SHC2: variants seen among roughly 807,000 people sequenced by gnomAD.
The protein encoded by SHC2 is SHC adaptor protein 2, also known as SHC-transforming protein 2.
SHC2 carries 62 observed loss-of-function variants against 60.6 expected under a neutral mutation model. The ratio of observed to expected loss-of-function variants is 1.02; its 90% confidence interval spans 0.83 to 1.26. The LOEUF (loss-of-function observed/expected upper bound fraction) is 1.26, where lower values mean the gene tolerates loss of function less well. Ranked by LOEUF, SHC2 falls within the 50% of genes most tolerant of loss-of-function variation. The pLI, the probability that SHC2 is intolerant of heterozygous loss-of-function variation, is 0.00. For missense variants in SHC2, 873 were observed against 822.2 expected (o/e 1.06, Z -0.76); for synonymous variants, 375 against 372.4 (o/e 1.01, Z -0.08).
Position 434,734 on chromosome 19 carries a change from G to C in SHC2, c.1085C>G (p.Pro362Arg). The C allele has an allele frequency of 6.2e-7, 1 of 1,612,104 alleles. No homozygotes were observed. The highest frequency in any genetic ancestry group is 1.7e-5 in the Admixed American group (1 of 59,966). Residue 362 changes from proline to arginine, a missense_variant, in exon 8 of 13, where the codon CCC becomes CGC. Physicochemically the swap from Pro to Arg is moderately radical, Grantham distance 103. Coordinates refer to ENST00000264554, the MANE Select transcript of SHC2 (RefSeq NM_012435.3). ...LVDSRLALTQ[P>R]CALTALDQGP... ...CTGGTCGAGGGCCGTGAGGGCGCAG[G>C]GCTGTGTCAGGGCCAGCCTGGAGTC...
intron 11 of SHC2, 37 bp from the exon 12 acceptor site, chr19:419,093 C>A: frequency 1.9e-6 from 3 of 1,539,464 alleles, no homozygotes; most frequent in Non-Finnish European, 2.6e-6. Flanking sequence ...CTCCCGGGAG[C>A]CCGCCTGGAC....
At chr19:428,539 C>G (rs146085487) in intron 9 of SHC2, among the ~76,000 whole-genome samples, 2 of 152,304 alleles carry the variant, frequency 1.3e-5, no homozygotes, top group African/African-American at 2.4e-5. Context: ...GTAGCACACC[C>G]TATCTGCAAA....
intron 2 of SHC2, chr19:439,434 T>A: frequency 4.0e-6 from 1 of 251,318 alleles, no homozygotes; most frequent in East Asian, 9.4e-5. Flanking sequence ...CAGGAGGCCC[T>A]GAGCCTGACG....
intron 1 of SHC2, among the ~76,000 whole-genome samples, chr19:457,815 G>A (rs1409818845): frequency 1.3e-5 from 2 of 152,270 alleles, no homozygotes; most frequent in Non-Finnish European, 2.9e-5. Flanking sequence ...CGCGTCCTCC[G>A]TGGAACACGC....
chr19:457,693 A>G (rs1432117543), intron 1 of SHC2, among the ~76,000 whole-genome samples: 1 of 152,194 alleles, frequency 6.6e-6, no homozygotes, highest in Non-Finnish European at 1.5e-5. Context: ...ATCCCCCAAC[A>G]TCCGGAGCCC....
chr19:440,937 G>A lies in SHC2; in HGVS notation c.469-5C>T, dbSNP rs1974849431. The A allele has an allele frequency of 2.5e-6, 4 of 1,612,168 alleles. No homozygotes were observed. Among genetic ancestry groups the A allele is most frequent in the Non-Finnish European group, 3.4e-6 (4 of 1,179,196 alleles). On this transcript the variant is annotated splice_polypyrimidine_tract_variant and splice_region_variant and intron_variant, in intron 1 of 12. Coordinates refer to ENST00000264554, the MANE Select transcript of SHC2 (RefSeq NM_012435.3). This position sits in a 1 kb window ranked among gnomAD's most constrained non-coding sequence, Gnocchi z 7.0. Reference sequence around the variant, plus strand: ...AACCTCGATGCAGCCCATGTACTGAGGGGAGAGAACAGGTGTCAGATGCCA... The same window carrying A: ...AACCTCGATGCAGCCCATGTACTGAAGGGAGAGAACAGGTGTCAGATGCCA...
chr19:436,786 G>A (rs1019306001), intron 4 of SHC2, 103 bp from the exon 5 acceptor site: 42 of 1,135,252 alleles, frequency 3.7e-5, no homozygotes, highest in Non-Finnish European at 5.1e-5. Flanking sequence ...CAGGGGCAGG[G>A]ATGTGGGGAT....
chr19:420,267 C>T (rs1167803828), intron 11 of SHC2, among the ~76,000 whole-genome samples: 1 of 152,178 alleles, frequency 6.6e-6, no homozygotes, highest in African/African-American at 2.4e-5. Flanking sequence ...GCAGCTCTCG[C>T]CCAAGCCCTG....
In SHC2 at chr19:434,848, T is replaced by C. The variant is rs77711108; in HGVS notation, c.971A>G (p.Glu324Gly). 7.6e-4 allele frequency: 1,226 copies of C among 1,611,214 alleles called. 11 individuals are homozygous for C. The African/African-American group carries it at 0.014, about 18-fold the overall frequency. Residue 324 changes from glutamate to glycine, a missense_variant, in exon 8 of 13, where the codon GAG becomes GGG. Physicochemically the swap from Glu to Gly is moderately conservative, Grantham distance 98 (BLOSUM62 -2). Coordinates refer to ENST00000264554, the MANE Select transcript of SHC2 (RefSeq NM_012435.3). ...LPPERLAGPE[E>G]SAWGDEEDSL... The stretch of plus-strand genomic sequence containing the variant: ...GTCCTCCTCGTCCCCCCAGGCCGAC[T>C]CCTCCGGCCCTGCCAGCCTGGGGGA...
In SHC2 at chr19:460,887, A is replaced by C; in HGVS notation, c.110T>G (p.Phe37Cys). The C allele has an allele frequency of 2.0e-6, 2 of 990,122 alleles. No individual in the cohort carries two copies. The highest frequency in any genetic ancestry group is 2.4e-6 in the Non-Finnish European group (2 of 834,744). 61.3% of individuals were successfully genotyped at this position (990,122 alleles called of 1,614,324 possible). A position where few individuals can be genotyped will look rare whatever the true frequency, so the allele number is the denominator to read the frequency against. Residue 37 changes from phenylalanine to cysteine, a missense_variant, in exon 1 of 13, where the codon TTC (phenylalanine) becomes TGC (cysteine). By Grantham distance (205) the Phe-to-Cys change is radical. Coordinates refer to ENST00000264554, the MANE Select transcript of SHC2 (RefSeq NM_012435.3). ...ALLPRMPQWK[F>C]AAPGGFLGRG... ...GCCCAGGAAGCCGCCCGGGGCCGCG[A>C]ACTTCCACTGCGGCATTCGGGGCAG...
chr19:428,173 C>G (rs1303796049), intron 9 of SHC2, among the ~76,000 whole-genome samples: 3 of 152,176 alleles, frequency 2.0e-5, no homozygotes, highest in Non-Finnish European at 4.4e-5. Context: ...TTCCGTGAGC[C>G]ATGATCACAC....
intron 12 of SHC2, among the ~76,000 whole-genome samples, chr19:418,364 C>T (rs897573975): frequency 2.6e-5 from 4 of 152,392 alleles, no homozygotes; most frequent in African/African-American, 7.2e-5. Context: ...TGCACGCTGC[C>T]ACCCTCGGGC....
intron 11 of SHC2, among the ~76,000 whole-genome samples, chr19:421,577 T>C (rs1293762167): frequency 6.6e-6 from 1 of 152,146 alleles, no homozygotes; most frequent in East Asian, 1.9e-4. Flanking sequence ...ACCATATTTA[T>C]CCCTCAGATA....
At position 422,540 on chromosome 19, in the gene SHC2, C is replaced by A; in HGVS notation, c.1310-84G>T. ...GACCAGAGCTGGGAGAAACGGGTTC[C>A]CCGGGGAGTCCCTCGTGCACCCGTC... On this transcript the variant is annotated intron_variant, in intron 10 of 12. Coordinates refer to ENST00000264554, the MANE Select transcript of SHC2 (RefSeq NM_012435.3). The surrounding 1 kb of genome is among the most constrained non-coding windows in gnomAD (Gnocchi z 5.0). The A allele has an allele frequency of 2.5e-6, 3 of 1,179,014 alleles. No homozygotes were observed. The East Asian group carries it at 7.7e-5, about 30-fold the overall frequency. The allele number at this position is 1,179,014 out of a possible 1,614,324, so 73.0% of individuals were successfully genotyped here. A position where few individuals can be genotyped will look rare whatever the true frequency, so the allele number is the denominator to read the frequency against.
At chr19:430,885 C>T (rs1974570296) in intron 8 of SHC2, 138 bp from the exon 9 acceptor site, 2 of 745,692 alleles carry the variant, frequency 2.7e-6, no homozygotes, top group East Asian at 5.5e-5. Context: ...CCTCCCATTG[C>T]TCTCTCACTC....
chr19:427,566 G>A (rs376046176), intron 9 of SHC2, among the ~76,000 whole-genome samples: 3 of 130,928 alleles, frequency 2.3e-5, no homozygotes, highest in East Asian at 5.0e-4. Flanking sequence ...GGGGAATTGC[G>A]CACGGCACAG....
At chr19:447,544 C>T (rs2145742182) in intron 1 of SHC2, among the ~76,000 whole-genome samples, 1 of 152,296 alleles carries the variant, frequency 6.6e-6, no homozygotes, top group East Asian at 1.9e-4. Context: ...TTTGGGAGGC[C>T]GAGGCGGGCG....
In SHC2 at chr19:422,197, G is replaced by A. The variant is rs1974290853; in HGVS notation, c.1569C>T (p.Gly523=). Reference sequence around the variant, plus strand: ...GGTGCTTGGGCTGCCCGGCGTGCATGCCGGTGAGGACATACTGCCCGGGGT... The same window carrying A: ...GGTGCTTGGGCTGCCCGGCGTGCATACCGGTGAGGACATACTGCCCGGGGT... ...VTNPGQYVLT[G]MHAGQPKHLL... The change falls in exon 11 of 13, where the codon GGC becomes GGT. Residue 523 remains glycine, a synonymous_variant. Coordinates refer to ENST00000264554, the MANE Select transcript of SHC2 (RefSeq NM_012435.3). This position sits in a 1 kb window ranked among gnomAD's most constrained non-coding sequence, Gnocchi z 5.0. 1 of 1,612,486 alleles carries A rather than the reference G, an allele frequency of 6.2e-7. No homozygotes were observed. The highest frequency in any genetic ancestry group is 1.3e-5 in the African/African-American group (1 of 74,904).
chr19:420,922 C>A (rs8109652), intron 11 of SHC2, among the ~76,000 whole-genome samples: 1 of 151,218 alleles, frequency 6.6e-6, no homozygotes, highest in African/African-American at 2.4e-5. Flanking sequence ...TGGTGGTGGG[C>A]GCCTGTAGTC....
Sources: gnomAD v4.1 joint callset for allele counts (sites outside exome capture counted in the v4.1 genomes callset) on GRCh38, gnomAD v4.1.1 for gene constraint, Gnocchi (gnomAD v3.1) non-coding constraint, MANE v1.5 for transcripts, NCBI Gene and HGNC (gene_info 2026-07-23, HGNC 2026-07-21) for gene names.